Variants in NLGN1 observed in about 807,000 individuals in gnomAD.
The protein encoded by NLGN1 is neuroligin 1.
NLGN1 carries 12 observed loss-of-function variants against 65.5 expected under a neutral mutation model. That is an observed-to-expected ratio of 0.18 (90% CI 0.12 to 0.30). NLGN1 has a LOEUF of 0.30. Ranked by LOEUF, NLGN1 falls within the 10% of genes least tolerant of loss-of-function variation. NLGN1 has a pLI of 1.00. For missense variants in NLGN1, 750 were observed against 1,007.1 expected (o/e 0.74, Z 3.46); for synonymous variants, 350 against 359.5 (o/e 0.97, Z 0.30).
At chr3:173,511,680 T>G (rs1733000141) in intron 2 of NLGN1, among the ~76,000 whole-genome samples, 1 of 152,164 alleles carries the variant, frequency 6.6e-6, no homozygotes, top group Non-Finnish European at 1.5e-5. Context: ...TTTTTTTCTC[T>G]TTGCTTTTCA....
intron 2 of NLGN1, among the ~76,000 whole-genome samples, chr3:173,592,015 A>G (rs997262878): frequency 3.4e-4 from 52 of 152,140 alleles, no homozygotes; most frequent in African/African-American, 1.2e-3. Context: ...AGGGTCATCA[A>G]TTGGTTTTAA....
rs373076123 is a variant in NLGN1 at position 173,573,109 on chromosome 3, T to C, written c.-320-31170T>C. Among the ~76,000 whole-genome samples, 17 of 147,780 alleles carry C rather than the reference T, an allele frequency of 1.2e-4. 1 individual carries two copies. The highest frequency in any genetic ancestry group is 2.1e-4 in the Admixed American group (3 of 14,468). On this transcript the variant is annotated intron_variant, in intron 2 of 6. Transcript: ENST00000457714. Reference sequence around the variant, plus strand: ...AACTATTTCCTCAGTACCTGTTCTCTTCAGCTCTGAGTTACCACCCTTCAC... The same window carrying C: ...AACTATTTCCTCAGTACCTGTTCTCCTCAGCTCTGAGTTACCACCCTTCAC...
intron 3 of NLGN1, chr3:173,695,443 A>G (rs940472964): frequency 2.9e-5 from 6 of 205,682 alleles, no homozygotes; most frequent in African/African-American, 1.2e-4. Context: ...ACAAGGATAT[A>G]TATGTTCATA....
intron 4 of NLGN1, among the ~76,000 whole-genome samples, chr3:173,981,668 A>G (rs908083080): frequency 1.3e-5 from 2 of 152,124 alleles, no homozygotes; most frequent in African/African-American, 4.8e-5. Flanking sequence ...ATATTTGTAT[A>G]TAGAGAAATA....
chr3:173,453,045 T>C (rs369290706), intron 2 of NLGN1, among the ~76,000 whole-genome samples: 1 of 152,256 alleles, frequency 6.6e-6, no homozygotes. Context: ...GGCTGCTGAC[T>C]GATCGGGGTG....
chr3:174,132,218 C>CTCCA (rs1156923426), intron 4 of NLGN1, among the ~76,000 whole-genome samples: 6 of 152,160 alleles, frequency 3.9e-5, no homozygotes, highest in African/African-American at 7.2e-5. Context: ...AAGTATAGAA[C>CTCCA]TCCACATGCT....
intron 3 of NLGN1, among the ~76,000 whole-genome samples, chr3:173,744,425 C>T (rs1251142462): frequency 3.3e-5 from 5 of 152,004 alleles, no homozygotes; most frequent in Non-Finnish European, 4.4e-5. Flanking sequence ...GTGAGGAAAA[C>T]TATGATAAAG....
chr3:173,573,238 T>G (rs1279307771), intron 2 of NLGN1, among the ~76,000 whole-genome samples: 3 of 152,160 alleles, frequency 2.0e-5, no homozygotes, highest in African/African-American at 7.2e-5. Flanking sequence ...GGTTTCAGTT[T>G]TCTGACTTGT....
intron 4 of NLGN1, among the ~76,000 whole-genome samples, chr3:174,166,184 C>T (rs907787609): frequency 6.6e-6 from 1 of 151,932 alleles, no homozygotes; most frequent in African/African-American, 2.4e-5. Context: ...TTTGAGGTCT[C>T]AATTTCATTA....
intron 4 of NLGN1, among the ~76,000 whole-genome samples, chr3:173,831,440 A>G (rs893823547): frequency 6.6e-6 from 1 of 152,224 alleles, no homozygotes; most frequent in Non-Finnish European, 1.5e-5. Flanking sequence ...GCCTGCCCAT[A>G]TACACAGAAC....
intron 4 of NLGN1, among the ~76,000 whole-genome samples, chr3:173,902,836 C>T (rs761360090): frequency 2.0e-5 from 3 of 152,056 alleles, no homozygotes; most frequent in Non-Finnish European, 2.9e-5. Flanking sequence ...AGCAAAAATG[C>T]ATTTTGTGAA....
At chr3:173,768,919 G>A (rs1003705931) in intron 3 of NLGN1, among the ~76,000 whole-genome samples, 1 of 151,982 alleles carries the variant, frequency 6.6e-6, no homozygotes, top group African/African-American at 2.4e-5. Flanking sequence ...TGGGACTACA[G>A]GCACGTACCA....
At chr3:173,654,166 G>A (rs1358270909) in intron 3 of NLGN1, among the ~76,000 whole-genome samples, 1 of 152,040 alleles carries the variant, frequency 6.6e-6, no homozygotes, top group African/African-American at 2.4e-5. Flanking sequence ...TTATCTTAGG[G>A]AGAATTAAAA....
At chr3:174,259,695 TA>T (rs34846230) in intron 4 of NLGN1, among the ~76,000 whole-genome samples, 2 of 151,560 alleles carry the variant, frequency 1.3e-5, no homozygotes, top group Non-Finnish European at 2.9e-5. Flanking sequence ...CTTTTTTTTT[TA>T]ATTATACTTT....
intron 4 of NLGN1, among the ~76,000 whole-genome samples, chr3:174,122,232 C>T (rs958235727): frequency 1.3e-5 from 2 of 152,130 alleles, no homozygotes; most frequent in African/African-American, 2.4e-5. Flanking sequence ...CAATGCCATC[C>T]GCATCTCATT....
rs565909118 is a variant in NLGN1 at position 173,944,157 on chromosome 3, G to T, written c.646+136325G>T. ...TGTGTGTGTGTGTGTGTGTGTGTGT[G>T]TGTGTTTTGTCCCTATGCAAGGAGG... is the stretch of plus-strand genomic sequence containing the variant. On this transcript the variant is annotated intron_variant, in intron 4 of 6. Coordinates refer to ENST00000457714, the Ensembl canonical transcript of NLGN1. 9.9e-5 allele frequency among the ~76,000 whole-genome samples: 15 copies of T among 151,834 alleles called. No individual in the cohort carries two copies. The South Asian group carries it at 3.1e-3, about 32-fold the overall frequency.
At chr3:173,683,165 T>C (rs1764205943) in intron 3 of NLGN1, among the ~76,000 whole-genome samples, 1 of 152,242 alleles carries the variant, frequency 6.6e-6, no homozygotes, top group South Asian at 2.1e-4. Context: ...TATAAGAATC[T>C]ATTTTTTGCT....
chr3:173,923,083 CA>C (rs150398712), intron 4 of NLGN1, among the ~76,000 whole-genome samples: 7,151 of 152,028 alleles, frequency 0.047, 552 homozygotes, highest in African/African-American at 0.16. Context: ...CCTACAAAGC[CA>C]AAAGGTAAGA....
At chr3:173,489,158 A>C (rs1168480996) in intron 2 of NLGN1, among the ~76,000 whole-genome samples, 1 of 151,806 alleles carries the variant, frequency 6.6e-6, no homozygotes, top group African/African-American at 2.4e-5. Flanking sequence ...ATATGTATAC[A>C]TGTGCCATGT....
Sources: gnomAD v4.1 joint callset for allele counts (sites outside exome capture counted in the v4.1 genomes callset) on GRCh38, gnomAD v4.1.1 for gene constraint, MANE v1.5 for transcripts, NCBI Gene and HGNC (gene_info 2026-07-23, HGNC 2026-07-21) for gene names.